ABCC6: variants seen among roughly 807,000 people sequenced by gnomAD.
The protein encoded by ABCC6 is ATP-binding cassette sub-family C member 6.
ABCC6 carries 126 observed loss-of-function variants against 169.5 expected under a neutral mutation model. That is an observed-to-expected ratio of 0.74 (90% CI 0.64 to 0.86). ABCC6 has a LOEUF of 0.86. Among genes scored for constraint, ABCC6 ranks in the 40% least tolerant of loss-of-function variants. ABCC6 has a pLI of 0.00. For synonymous variants in ABCC6, 752 were observed against 814.7 expected (o/e 0.92, Z 1.31); for missense variants, 1,733 against 1,927.2 (o/e 0.90, Z 1.89).
intron 21 of ABCC6, among the ~76,000 whole-genome samples, chr16:16,171,227 TTTC>T (rs770634063): frequency 1.2e-4 from 19 of 152,038 alleles, no homozygotes; most frequent in Non-Finnish European, 2.4e-4. Context: ...TTCATCATTC[TTTC>T]TTTTAAGAGG....
chr16:16,180,608 T>C (rs538152826), intron 17 of ABCC6, among the ~76,000 whole-genome samples: 1 of 152,304 alleles, frequency 6.6e-6, no homozygotes, highest in South Asian at 2.1e-4. Flanking sequence ...TTCTCCTGCC[T>C]CAGCCTCCCA....
intron 13 of ABCC6, among the ~76,000 whole-genome samples, chr16:16,187,540 C>T (rs772771361): frequency 1.3e-5 from 2 of 152,170 alleles, no homozygotes; most frequent in Non-Finnish European, 2.9e-5. Context: ...ATGTTGTCCA[C>T]CTGGGGGCGC....
chr16:16,215,039 C>T (rs1301551088), intron 4 of ABCC6, among the ~76,000 whole-genome samples: 1 of 152,236 alleles, frequency 6.6e-6, no homozygotes, highest in Admixed American at 6.5e-5. Context: ...GATGAAGAAA[C>T]AATTTACCTT....
At chr16:16,182,295 G>C in intron 17 of ABCC6, 117 bp downstream of exon 17, 1 of 1,368,382 alleles carries the variant, frequency 7.3e-7, no homozygotes, top group Non-Finnish European at 1.0e-6. Context: ...CTTTTTCTCC[G>C]CTACTTCCCT....
intron 23 of ABCC6, among the ~76,000 whole-genome samples, chr16:16,163,522 G>C (rs1392204627): frequency 1.3e-5 from 2 of 152,174 alleles, no homozygotes; most frequent in East Asian, 3.9e-4. Context: ...AGCCAGGGTT[G>C]AGAAACCACC....
chr16:16,197,523 G>C (rs1320786848), intron 10 of ABCC6, among the ~76,000 whole-genome samples: 1 of 150,710 alleles, frequency 6.6e-6, no homozygotes, highest in Non-Finnish European at 1.5e-5. Flanking sequence ...CGGTAGAGGA[G>C]AAGAAGGGAG....
chr16:16,208,641 G>A, intron 7 of ABCC6, 87 bp downstream of exon 7: 1 of 1,607,718 alleles, frequency 6.2e-7, no homozygotes, highest in South Asian at 1.1e-5. Flanking sequence ...CAAAATGCCG[G>A]GATTACAGTC....
chr16:16,191,119 A>C, intron 11 of ABCC6, among the ~76,000 whole-genome samples: 1 of 151,322 alleles, frequency 6.6e-6, no homozygotes, highest in Non-Finnish European at 1.5e-5. Flanking sequence ...CTGCCTGGAG[A>C]AGGTTTTACT....
chr16:16,202,934 T>A (rs1249862004), intron 8 of ABCC6, among the ~76,000 whole-genome samples: 1 of 152,158 alleles, frequency 6.6e-6, no homozygotes, highest in Non-Finnish European at 1.5e-5. Flanking sequence ...TTTGGTCTAT[T>A]TCTTAGAACC....
In ABCC6 at chr16:16,154,653, AC is replaced by A. The variant is rs67791546; in HGVS notation, c.4182del (p.Lys1394AsnfsTer9). Reference protein sequence around the residue: ...VASLPGQLQYKCADRGEDLSV... With the variant: ...VASLPGQLQYXCADRGEDLSV... ...CTCAGGTCCTCGCCTCGGTCAGCAC[AC>A]TTGTACTGCAGCTGGCCGGGCAGGC... is the stretch of plus-strand genomic sequence containing the variant. On this transcript the variant is annotated frameshift_variant, in exon 29 of 31. Coordinates refer to ENST00000205557, the MANE Select transcript of ABCC6 (RefSeq NM_001171.6). LOFTEE classifies it high-confidence loss of function. The A allele has an allele frequency of 3.3e-5, 53 of 1,612,562 alleles. No homozygotes were observed. Among genetic ancestry groups the A allele is most frequent in the Non-Finnish European group, 4.2e-5 (50 of 1,179,986 alleles).
intron 17 of ABCC6, among the ~76,000 whole-genome samples, chr16:16,181,378 C>T (rs2047468106): frequency 1.3e-5 from 2 of 148,822 alleles, no homozygotes; most frequent in African/African-American, 2.5e-5. Context: ...AGAGAAAAAG[C>T]AGGTGCAGGT....
chr16:16,206,142 C>T (rs1384946027), intron 7 of ABCC6, among the ~76,000 whole-genome samples: 1 of 152,214 alleles, frequency 6.6e-6, no homozygotes, highest in Non-Finnish European at 1.5e-5. Context: ...GTTCAGCCTG[C>T]AGGCTCCATA....
At chr16:16,183,022 G>T in intron 15 of ABCC6, 92 bp from the exon 16 acceptor site, 1 of 1,596,758 alleles carries the variant, frequency 6.3e-7, no homozygotes, top group Non-Finnish European at 8.6e-7. Context: ...GAGCTTTCCT[G>T]CTCTGGGAGT....
Position 16,157,759 on chromosome 16 carries a change from G to A in ABCC6, c.3786C>T (p.Gly1262=), listed in dbSNP as rs546064934. 1.9e-5 allele frequency: 30 copies of A among 1,613,724 alleles called. No individual in the cohort carries two copies. The highest frequency in any genetic ancestry group is 9.3e-5 in the African/African-American group (7 of 75,032). ...CAAAGTCCCGGAACTCGATCTGCCC[G>A]CCCTGAGGCCAGGGGGGCTGAGCTG... ...TCAAQPPWPQ[G]GQIEFRDFGL... The change falls in exon 27 of 31, where the codon GGC becomes GGT. Residue 1262 remains glycine (G), a synonymous_variant. Coordinates refer to ENST00000205557, the MANE Select transcript of ABCC6 (RefSeq NM_001171.6).
intron 22 of ABCC6, among the ~76,000 whole-genome samples, chr16:16,168,300 G>GGT (rs1422698553): frequency 8.4e-4 from 126 of 149,644 alleles, no homozygotes; most frequent in Middle Eastern, 3.4e-3. Flanking sequence ...AGACCAGCCT[G>GGT]GGCAACACGG....
intron 2 of ABCC6, 101 bp from the exon 3 acceptor site, chr16:16,220,048 C>T: frequency 6.7e-7 from 1 of 1,484,586 alleles, no homozygotes; most frequent in Non-Finnish European, 9.2e-7. Flanking sequence ...CTGCAACATC[C>T]TGGCTGATAC....
chr16:16,200,205 G>T (rs2048192270), intron 9 of ABCC6, among the ~76,000 whole-genome samples: 1 of 152,128 alleles, frequency 6.6e-6, no homozygotes, highest in Admixed American at 6.5e-5. Flanking sequence ...GCTGAGGTGG[G>T]TGGATCACCT....
At chr16:16,163,281 T>C in intron 23 of ABCC6, 89 bp from the exon 24 acceptor site, 2 of 1,276,822 alleles carry the variant, frequency 1.6e-6, no homozygotes, top group Non-Finnish European at 2.2e-6. Flanking sequence ...AAGTACAGGA[T>C]TCCAGACCAG....
At chr16:16,162,533 A>G (rs1437299517) in intron 24 of ABCC6, among the ~76,000 whole-genome samples, 1 of 152,226 alleles carries the variant, frequency 6.6e-6, no homozygotes, top group African/African-American at 2.4e-5. Flanking sequence ...GAGTGTCTGT[A>G]TTTAATCCTC....
Sources: allele counts gnomAD v4.1 joint callset (sites outside exome capture counted in the v4.1 genomes callset), GRCh38; gene constraint gnomAD v4.1.1; transcripts MANE v1.5; gene names NCBI Gene and HGNC (gene_info 2026-07-23, HGNC 2026-07-21).